The following C19orf38 variants were observed in gnomAD, a reference collection of about 807,000 sequenced individuals.
C19orf38 encodes chromosome 19 open reading frame 38.
A neutral mutation model predicts 26.6 loss-of-function variants in C19orf38; 14 were observed. The ratio of observed to expected loss-of-function variants is 0.53; its 90% CI spans 0.35 to 0.82. The LOEUF (loss-of-function observed/expected upper bound fraction) is 0.82. Ranked by LOEUF, C19orf38 falls within the 40% of genes least tolerant of loss-of-function variation. C19orf38 has a pLI of 0.01. For synonymous variants in C19orf38, 132 were observed against 128.5 expected (o/e 1.03, Z -0.18); for missense variants, 261 against 299.5 (o/e 0.87, Z 0.95).
At chr19:10,842,996 G>T (rs2073490373) in intron 1 of C19orf38, among the ~76,000 whole-genome samples, 1 of 152,218 alleles carries the variant, frequency 6.6e-6, no homozygotes, top group Non-Finnish European at 1.5e-5. Context: ...GATGGGAGGA[G>T]AATTTTTTTG....
At chr19:10,867,637 C>A (rs1420580968) in intron 6 of C19orf38, among the ~76,000 whole-genome samples, 3 of 120,398 alleles carry the variant, frequency 2.5e-5, no homozygotes, top group East Asian at 5.3e-4. Context: ...AAAGGAAGAA[C>A]ATTCTTTTTT....
chr19:10,863,177 C>T lies in C19orf38; in HGVS notation c.513C>T (p.Ser171=), dbSNP rs994776245. The T allele has an allele frequency of 6.4e-7, 1 of 1,551,490 alleles. No homozygotes were observed. The highest frequency in any genetic ancestry group is 1.4e-5 in the African/African-American group (1 of 73,144). Residue 171 remains serine, a synonymous_variant, in exon 6 of 7, where the codon TCC becomes TCT. Coordinates refer to ENST00000397820, the MANE Select transcript of C19orf38 (RefSeq NM_001136482.3). ...TTTCTCTTTCTGTTTCAGACATGTC[C>T]TTCGATAACTCCCTGTTTACCGTCT... ...AQINFDSTDM[S]FDNSLFTVSA...
At chr19:10,867,165 C>T (rs1219501266) in intron 6 of C19orf38, among the ~76,000 whole-genome samples, 1 of 152,006 alleles carries the variant, frequency 6.6e-6, no homozygotes, top group Non-Finnish European at 1.5e-5. Context: ...GCCCCTGGCA[C>T]CCACCATTCT....
chr19:10,865,718 ATTGGTAT>A (rs2073745076), intron 6 of C19orf38, among the ~76,000 whole-genome samples: 1 of 152,206 alleles, frequency 6.6e-6, no homozygotes, highest in East Asian at 1.9e-4. Context: ...CTCTTCATCC[ATTGGTAT>A]TCCTTTCTGC....
At position 10,859,957 on chromosome 19, in the gene C19orf38, A is replaced by G. The variant is rs747406299; in HGVS notation, c.504A>G (p.Thr168=). Residue 168 remains threonine, a splice_region_variant and synonymous_variant, in exon 5 of 7, where the codon ACA becomes ACG. Coordinates refer to ENST00000397820, the MANE Select transcript of C19orf38 (RefSeq NM_001136482.3). ...GGGCCCAGATTAACTTCGACAGCAC[A>G]GGTCTGTGCCTCCACACTCCTGACT... ...SCWAQINFDS[T]DMSFDNSLFT... is the part of the protein sequence containing the mutation. 1.2e-5 allele frequency: 19 copies of G among 1,551,610 alleles called. No homozygotes were observed. The highest frequency in any genetic ancestry group is 1.6e-5 in the Non-Finnish European group (18 of 1,146,700).
At chr19:10,865,313 A>G (rs572574486) in intron 6 of C19orf38, among the ~76,000 whole-genome samples, 1 of 151,912 alleles carries the variant, frequency 6.6e-6, no homozygotes, top group East Asian at 2.0e-4. Flanking sequence ...CGCCCGGCTA[A>G]TTTTTGTATT....
At position 10,859,940 on chromosome 19, in the gene C19orf38, A is replaced by T; in HGVS notation, c.487A>T (p.Ile163Phe). Residue 163 changes from isoleucine (I) to phenylalanine (F), a missense_variant, in exon 5 of 7, where the codon ATT becomes TTT. Ile to Phe is a conservative substitution (Grantham distance 21, BLOSUM62 0). Coordinates refer to ENST00000397820, the MANE Select transcript of C19orf38 (RefSeq NM_001136482.3). Reference sequence around the variant, plus strand: ...AGATCGAGAATCCTGCTGGGCCCAGATTAACTTCGACAGCACAGGTCTGTG... The same window carrying T: ...AGATCGAGAATCCTGCTGGGCCCAGTTTAACTTCGACAGCACAGGTCTGTG... ...KRDRESCWAQ[I>F]NFDSTDMSFD... The T allele has an allele frequency of 1.3e-6, 2 of 1,551,970 alleles. No homozygotes were observed. The highest frequency in any genetic ancestry group is 1.7e-6 in the Non-Finnish European group (2 of 1,146,998).
At chr19:10,853,899 G>GT (rs545079431) in intron 2 of C19orf38, among the ~76,000 whole-genome samples, 1,322 of 116,880 alleles carry the variant, frequency 0.011, 12 homozygotes, top group South Asian at 0.024. Context: ...TCCGGCTAAT[G>GT]TTTTTTTTTT....
intron 1 of C19orf38, among the ~76,000 whole-genome samples, chr19:10,836,964 A>G (rs1034137497): frequency 1.3e-5 from 2 of 152,164 alleles, no homozygotes; most frequent in Non-Finnish European, 2.9e-5. Context: ...CGGGTCAGAA[A>G]AACGACAGCC....
At chr19:10,838,196 G>A (rs1225740571) in intron 1 of C19orf38, among the ~76,000 whole-genome samples, 5 of 152,198 alleles carry the variant, frequency 3.3e-5, no homozygotes, top group Admixed American at 2.6e-4. Flanking sequence ...GGATCATGAG[G>A]TCAGGAGATC....
intron 6 of C19orf38, among the ~76,000 whole-genome samples, chr19:10,868,752 C>CTG (rs2073775892): frequency 6.6e-6 from 1 of 152,150 alleles, no homozygotes; most frequent in Non-Finnish European, 1.5e-5. Flanking sequence ...GTGATCCACC[C>CTG]ACCTCGGTCT....
chr19:10,859,914 G>A lies in C19orf38; in HGVS notation c.462-1G>A, dbSNP rs1277846830. On this transcript the variant is annotated splice_acceptor_variant, in intron 4 of 6. Transcript: ENST00000397820. LOFTEE classifies it high-confidence loss of function. ...TCACTTTCTCCTGAATTCCTTTGCA[G>A]AGATCGAGAATCCTGCTGGGCCCAG... 10 of 1,551,696 alleles carry A rather than the reference G, an allele frequency of 6.4e-6. No individual in the cohort carries two copies. In the Admixed American group the frequency reaches 2.0e-4, roughly 30 times the overall value.
intron 6 of C19orf38, among the ~76,000 whole-genome samples, chr19:10,866,617 C>T (rs1355315594): frequency 1.3e-5 from 2 of 151,622 alleles, no homozygotes; most frequent in African/African-American, 2.4e-5. Context: ...TCCCGAGTAG[C>T]TTGGATTACA....
chr19:10,861,725 G>A (rs889316854), intron 5 of C19orf38, among the ~76,000 whole-genome samples: 1 of 150,482 alleles, frequency 6.6e-6, no homozygotes, highest in Middle Eastern at 3.5e-3. Context: ...TTACAGGCAC[G>A]TGCCACCATG....
intron 1 of C19orf38, chr19:10,842,029 G>A (rs1018937515): frequency 2.9e-5 from 47 of 1,610,396 alleles, no homozygotes; most frequent in African/African-American, 4.0e-5. Context: ...AATATTGTCC[G>A]AACTCCATCT....
intron 1 of C19orf38, 26 bp from the exon 2 acceptor site, chr19:10,850,233 C>T: frequency 1.3e-6 from 2 of 1,529,498 alleles, no homozygotes; most frequent in Non-Finnish European, 1.8e-6. Context: ...ACCACGCACC[C>T]ACCCACCTTA....
intron 5 of C19orf38, among the ~76,000 whole-genome samples, chr19:10,860,840 CA>C (rs60601259): frequency 0.13 from 5,473 of 42,606 alleles, 265 homozygotes; most frequent in East Asian, 0.46. Flanking sequence ...GACTCCATCT[CA>C]AAAAAAAAAA....
chr19:10,839,440 C>T (rs1239335485), intron 1 of C19orf38, among the ~76,000 whole-genome samples: 1 of 152,140 alleles, frequency 6.6e-6, no homozygotes, highest in Non-Finnish European at 1.5e-5. Flanking sequence ...AGAAATTCTG[C>T]TGAGGACTCT....
At chr19:10,862,740 A>G (rs1028467964) in intron 5 of C19orf38, among the ~76,000 whole-genome samples, 1 of 152,100 alleles carries the variant, frequency 6.6e-6, no homozygotes, top group African/African-American at 2.4e-5. Context: ...GAGGCAGGAC[A>G]ATCACTTGAA....
Sources: allele counts gnomAD v4.1 joint callset (sites outside exome capture counted in the v4.1 genomes callset), GRCh38; gene constraint gnomAD v4.1.1; transcripts MANE v1.5; gene names NCBI Gene and HGNC (gene_info 2026-07-23, HGNC 2026-07-21).